Variants in PRRC2B observed in about 807,000 individuals in gnomAD.
PRRC2B encodes proline rich coiled-coil 2B, also known as protein PRRC2B.
A neutral mutation model predicts 242.3 loss-of-function variants in PRRC2B; 68 were observed. That is an observed-to-expected ratio of 0.28 (90% confidence interval 0.23 to 0.34). The LOEUF (loss-of-function observed/expected upper bound fraction) is 0.34. Among genes scored for constraint, PRRC2B ranks in the 10% least tolerant of loss-of-function variants. The pLI, the probability that PRRC2B is intolerant of heterozygous loss-of-function variation, is 1.00. For missense variants in PRRC2B, 2,835 were observed against 2,954.8 expected, an observed-to-expected ratio of 0.96 and a Z score of 0.94; for synonymous variants, 1,228 against 1,173.6, an observed-to-expected ratio of 1.05 and a Z score of -0.95.
intron 28 of PRRC2B, chr9:131,490,483 A>C (rs921727194): frequency 3.9e-6 from 2 of 519,014 alleles, no homozygotes; most frequent in Non-Finnish European, 7.7e-6. Flanking sequence ...TGGCCACCAC[A>C]AGTCTCAGTG....
chr9:131,400,714 G>A (rs148886559), intron 1 of PRRC2B, among the ~76,000 whole-genome samples: 117 of 152,282 alleles, frequency 7.7e-4, no homozygotes, highest in African/African-American at 2.0e-3. Context: ...ACCCAGCAAG[G>A]CAGCCTCTTT....
rs1398855508 is a variant in PRRC2B, at chr9:131,494,124, T to C, written c.6474-281T>C. Among the ~76,000 whole-genome samples the C allele has an allele frequency of 1.3e-5, 2 of 151,998 alleles. No homozygotes were observed. The highest frequency in any genetic ancestry group is 2.1e-4 in the South Asian group (1 of 4,822). On this transcript the variant is annotated intron_variant, in intron 30 of 31. Transcript: ENST00000683519. The surrounding 1 kb of genome is among the most constrained non-coding windows in gnomAD (Gnocchi z 4.3). Reference sequence around the variant, plus strand: ...CTGCACAGCAGGACAGCCATGCCCATCTGTACAGGGCCTCAGCCTCCCTCT... The same window carrying C: ...CTGCACAGCAGGACAGCCATGCCCACCTGTACAGGGCCTCAGCCTCCCTCT...
chr9:131,475,976 T>G lies in PRRC2B; in HGVS notation c.3847T>G (p.Phe1283Val). ...CCGCGCGGAGGACAAGAGATCCTTC[T>G]TCCAAGATGAACACGTGGCAGATTC... The part of the protein sequence containing the change: ...DSRAEDKRSF[F>V]QDEHVADSEN... The change falls in exon 16 of 32, where the codon TTC becomes GTC. Residue 1283 changes from phenylalanine to valine, a missense_variant. Coordinates refer to ENST00000683519, the MANE Select transcript of PRRC2B (RefSeq NM_013318.4). 1 of 1,610,914 alleles carries G rather than the reference T, an allele frequency of 6.2e-7. No homozygotes were observed. The highest frequency in any genetic ancestry group is 8.5e-7 in the Non-Finnish European group (1 of 1,177,470).
chr9:131,405,177 C>T (rs1837330302), intron 1 of PRRC2B, among the ~76,000 whole-genome samples: 1 of 152,174 alleles, frequency 6.6e-6, no homozygotes, highest in South Asian at 2.1e-4. Flanking sequence ...AGCGATCAGA[C>T]ACAGCAGCTC....
At chr9:131,377,154 C>T (rs1836696524) in intron 1 of PRRC2B, among the ~76,000 whole-genome samples, 1 of 151,314 alleles carries the variant, frequency 6.6e-6, no homozygotes, top group African/African-American at 2.4e-5. Context: ...CTCGCTTTGT[C>T]ACCAGGCCGG....
At chr9:131,426,131 A>G (rs918613517) in intron 1 of PRRC2B, among the ~76,000 whole-genome samples, 2 of 152,088 alleles carry the variant, frequency 1.3e-5, no homozygotes, top group African/African-American at 4.8e-5. Flanking sequence ...TGAGGCCAGG[A>G]GTTTGAGACC....
In PRRC2B at chr9:131,494,998, A is replaced by T. The variant is rs1038162406; in HGVS notation, c.6555+512A>T. Among the ~76,000 whole-genome samples the T allele has an allele frequency of 3.9e-5, 6 of 152,162 alleles. No homozygotes were observed. The highest frequency in any genetic ancestry group is 1.2e-4 in the African/African-American group (5 of 41,426). On this transcript the variant is annotated intron_variant, in intron 31 of 31. Coordinates refer to ENST00000683519, the MANE Select transcript of PRRC2B (RefSeq NM_013318.4). The surrounding 1 kb of genome is among the most constrained non-coding windows in gnomAD (Gnocchi z 4.3). ...TAAAACGTGCTGGGGCTCAGAGCTT[A>T]AGCCCCTCAGACGTGGGTTTTTAAT...
chr9:131,447,352 G>T, intron 8 of PRRC2B, 146 bp downstream of exon 8: 1 of 1,048,916 alleles, frequency 9.5e-7, no homozygotes, highest in Non-Finnish European at 1.4e-6. Flanking sequence ...TGTGTGGGGT[G>T]GTGGCTGGGA....
intron 1 of PRRC2B, among the ~76,000 whole-genome samples, chr9:131,405,542 AC>A (rs1588238906): frequency 6.6e-6 from 1 of 151,942 alleles, no homozygotes; most frequent in East Asian, 1.9e-4. Context: ...GTCACTTGCC[AC>A]CCCTCCTGCC....
At chr9:131,410,974 G>A (rs915492672) in intron 1 of PRRC2B, among the ~76,000 whole-genome samples, 1 of 151,836 alleles carries the variant, frequency 6.6e-6, no homozygotes, top group African/African-American at 2.4e-5. Context: ...ATTTATTTTT[G>A]CTTTGAAAGT....
At chr9:131,384,527 G>A (rs183747486) in intron 1 of PRRC2B, among the ~76,000 whole-genome samples, 58 of 150,824 alleles carry the variant, frequency 3.8e-4, no homozygotes, top group African/African-American at 1.4e-3. Flanking sequence ...CAAGTGATCC[G>A]CCCACCTCGG....
upstream of PRRC2B, among the ~76,000 whole-genome samples, chr9:131,391,571 A>G (rs878919380): frequency 6.6e-6 from 1 of 152,150 alleles, no homozygotes; most frequent in Admixed American, 6.6e-5. Context: ...GGTGGGGGGC[A>G]TTGTATTGCC....
At chr9:131,385,855 G>A (rs1424653326) in intron 1 of PRRC2B, among the ~76,000 whole-genome samples, 4 of 149,774 alleles carry the variant, frequency 2.7e-5, no homozygotes, top group East Asian at 4.0e-4. Context: ...CACCACGCCC[G>A]GCTAATCTTT....
At chr9:131,422,255 A>G (rs1588243024) in intron 1 of PRRC2B, among the ~76,000 whole-genome samples, 3 of 152,084 alleles carry the variant, frequency 2.0e-5, no homozygotes, top group East Asian at 1.9e-4. Flanking sequence ...GGGTTTCACC[A>G]TGTTGGCCAG....
chr9:131,403,430 C>T (rs1319419894), intron 1 of PRRC2B, among the ~76,000 whole-genome samples: 1 of 151,834 alleles, frequency 6.6e-6, no homozygotes, highest in Non-Finnish European at 1.5e-5. Context: ...CGGCTCACTG[C>T]AACCTCCACC....
intron 1 of PRRC2B, among the ~76,000 whole-genome samples, chr9:131,429,883 G>A (rs762215260): frequency 1.2e-4 from 19 of 152,026 alleles, no homozygotes; most frequent in Non-Finnish European, 1.6e-4. Flanking sequence ...TCGCCTCGGG[G>A]TGTCTACATA....
Position 131,474,757 on chromosome 9 carries a change from G to A in PRRC2B, c.2628G>A (p.Gln876=), listed in dbSNP as rs766520902. Reference sequence around the variant, plus strand: ...GTGGCAGTTGGGATGTTAGCCACCAGCCAGAGACCGCTGACACAGCCCATG... The same window carrying A: ...GTGGCAGTTGGGATGTTAGCCACCAACCAGAGACCGCTGACACAGCCCATG... ...PECGSWDVSH[Q]PETADTAHGV... The change falls in exon 16 of 32, where the codon CAG becomes CAA. Residue 876 remains glutamine (Q), a synonymous_variant. Transcript: ENST00000683519. 2.5e-6 allele frequency: 4 copies of A among 1,612,596 alleles called. No individual in the cohort carries two copies. In the South Asian group the frequency reaches 4.4e-5, roughly 18 times the overall value.
At chr9:131,392,011 G>T (rs985166678), upstream of PRRC2B, among the ~76,000 whole-genome samples, 1 of 152,108 alleles carries the variant, frequency 6.6e-6, no homozygotes, top group African/African-American at 2.4e-5. Flanking sequence ...AAAGTGGTGG[G>T]ATTACAGGGG....
intron 1 of PRRC2B, among the ~76,000 whole-genome samples, chr9:131,381,640 T>C (rs886197893): frequency 2.6e-5 from 4 of 152,068 alleles, no homozygotes; most frequent in Admixed American, 1.3e-4. Context: ...AGGATGGTCT[T>C]GATCTCCTGA....
Sources: allele counts gnomAD v4.1 joint callset (sites outside exome capture counted in the v4.1 genomes callset), GRCh38; gene constraint gnomAD v4.1.1; non-coding constraint Gnocchi (gnomAD v3.1); transcripts MANE v1.5; gene names NCBI Gene and HGNC (gene_info 2026-07-23, HGNC 2026-07-21).